SOX5: variants seen among roughly 807,000 people sequenced by gnomAD.
SOX5 encodes SRY-box transcription factor 5.
In SOX5, 9 loss-of-function variants were observed where a neutral mutation model predicts 92.0. That is an observed-to-expected ratio of 0.10 (90% CI 0.06 to 0.17). The LOEUF is 0.17. SOX5 is among the 10% of genes least tolerant of loss of function. The pLI, the probability that SOX5 is intolerant of heterozygous loss-of-function variation, is 1.00. For synonymous variants in SOX5, 344 were observed against 336.3 expected, an observed-to-expected ratio of 1.02 and a Z score of -0.25; for missense variants, 642 against 944.5, an observed-to-expected ratio of 0.68 and a Z score of 4.20.
intron 9 of SOX5, among the ~76,000 whole-genome samples, chr12:23,583,763 A>T (rs1427742887): frequency 6.6e-6 from 1 of 152,166 alleles, no homozygotes; most frequent in African/African-American, 2.4e-5. Flanking sequence ...GAAATTAAAG[A>T]GTTGATCACT....
In SOX5 at chr12:23,543,994, G is replaced by T. The variant is rs530075799; in HGVS notation, c.1598-610C>A. 3.3e-5 allele frequency among the ~76,000 whole-genome samples: 5 copies of T among 152,322 alleles called. No individual in the cohort carries two copies. In the South Asian group the frequency reaches 6.2e-4, roughly 19 times the overall value. On this transcript the variant is annotated intron_variant, in intron 12 of 14. Coordinates refer to ENST00000451604, the MANE Select transcript of SOX5 (RefSeq NM_006940.6). ...ACATATGCTGATACAGCAATGACAG[G>T]TCTGCCCCCCAAAATATATGTAAAA...
At chr12:24,028,345 A>G (rs949534416) in intron 4 of SOX5, among the ~76,000 whole-genome samples, 6 of 152,016 alleles carry the variant, frequency 3.9e-5, no homozygotes, top group African/African-American at 1.2e-4. Context: ...TGGATGAATG[A>G]ATTTGCTTGT....
chr12:24,524,903 G>A (rs1950570672), intron 1 of SOX5, among the ~76,000 whole-genome samples: 1 of 152,116 alleles, frequency 6.6e-6, no homozygotes, highest in Non-Finnish European at 1.5e-5. Context: ...GTTTGAGATT[G>A]CAGTGAGCTA....
chr12:23,552,957 T>A (rs1437840108), intron 11 of SOX5, among the ~76,000 whole-genome samples: 1 of 152,036 alleles, frequency 6.6e-6, no homozygotes, highest in African/African-American at 2.4e-5. Flanking sequence ...CAGGCTTTGA[T>A]TCTTTTTAAA....
chr12:23,712,132 T>A (rs1246328962), intron 6 of SOX5, among the ~76,000 whole-genome samples: 3 of 152,156 alleles, frequency 2.0e-5, no homozygotes, highest in African/African-American at 7.2e-5. Context: ...GTGAGAACAA[T>A]GCCAATACAT....
intron 4 of SOX5, among the ~76,000 whole-genome samples, chr12:24,202,993 TC>T (rs1244832931): frequency 3.9e-5 from 6 of 152,184 alleles, no homozygotes; most frequent in Non-Finnish European, 8.8e-5. Flanking sequence ...AAATTTAGCA[TC>T]CATTTGATGA....
intron 4 of SOX5, among the ~76,000 whole-genome samples, chr12:23,973,668 T>C (rs1043936947): frequency 2.6e-5 from 4 of 152,190 alleles, no homozygotes; most frequent in Non-Finnish European, 2.9e-5. Context: ...AAATCCTGTA[T>C]ACCAGGGGTC....
chr12:24,125,477 T>C (rs777643626), intron 4 of SOX5, among the ~76,000 whole-genome samples: 18 of 152,176 alleles, frequency 1.2e-4, no homozygotes, highest in Non-Finnish European at 2.4e-4. Context: ...TGCTAAGATA[T>C]TGCATCAAGC....
intron 4 of SOX5, among the ~76,000 whole-genome samples, chr12:24,207,705 T>A (rs1958161527): frequency 6.6e-6 from 1 of 152,214 alleles, no homozygotes; most frequent in Non-Finnish European, 1.5e-5. Context: ...TTTCTTCTAT[T>A]TCCACTATTC....
chr12:24,145,934 G>C (rs899276907), intron 4 of SOX5, among the ~76,000 whole-genome samples: 7 of 152,140 alleles, frequency 4.6e-5, no homozygotes, highest in Admixed American at 1.3e-4. Flanking sequence ...TTATCAAGAG[G>C]ACATAGCAAG....
intron 4 of SOX5, among the ~76,000 whole-genome samples, chr12:23,980,673 T>C (rs1385606831): frequency 6.6e-6 from 1 of 152,158 alleles, no homozygotes. Flanking sequence ...ACTCCCTGCT[T>C]CTTTCCCCCC....
intron 3 of SOX5, among the ~76,000 whole-genome samples, chr12:23,764,059 T>A (rs1047090926): frequency 6.6e-6 from 1 of 151,826 alleles, no homozygotes; most frequent in East Asian, 1.9e-4. Context: ...TTAGTTACAA[T>A]GAGAAGGGTG....
At chr12:24,372,985 G>T (rs1956896661) in intron 1 of SOX5, among the ~76,000 whole-genome samples, 2 of 151,242 alleles carry the variant, frequency 1.3e-5, no homozygotes, top group African/African-American at 4.9e-5. Flanking sequence ...GGGTGTGGCG[G>T]CACAGGCCTG....
intron 6 of SOX5, among the ~76,000 whole-genome samples, chr12:23,686,087 C>G (rs1277815895): frequency 6.6e-6 from 1 of 152,078 alleles, no homozygotes; most frequent in Non-Finnish European, 1.5e-5. Flanking sequence ...ATTCTTTAAT[C>G]CAGGTAATGA....
intron 2 of SOX5, among the ~76,000 whole-genome samples, chr12:24,364,631 G>A (rs895280352): frequency 2.0e-5 from 3 of 150,438 alleles, no homozygotes; most frequent in Non-Finnish European, 4.4e-5. Context: ...CTACTATGGA[G>A]AGAATCAATT....
At chr12:24,234,635 CCCAAAGTGCTGGAATTA>C (rs1452080233) in intron 3 of SOX5, among the ~76,000 whole-genome samples, 1 of 152,184 alleles carries the variant, frequency 6.6e-6, no homozygotes, top group Non-Finnish European at 1.5e-5. Flanking sequence ...ACCTCAGCCT[CCCAAAGTGCTGGAATTA>C]CCAAAGTGCT....
chr12:24,107,021 T>G (rs967061970), intron 4 of SOX5, among the ~76,000 whole-genome samples: 2 of 151,846 alleles, frequency 1.3e-5, no homozygotes, highest in South Asian at 4.2e-4. Flanking sequence ...GAGGTAAAAT[T>G]AACAATCCTA....
chr12:24,085,194 G>A (rs1943831252), intron 4 of SOX5, among the ~76,000 whole-genome samples: 1 of 152,142 alleles, frequency 6.6e-6, no homozygotes. Flanking sequence ...AGCATGGCCA[G>A]GAAGAGGGGC....
chr12:23,800,676 C>G (rs182199033), intron 3 of SOX5, among the ~76,000 whole-genome samples: 1 of 152,170 alleles, frequency 6.6e-6, no homozygotes, highest in Admixed American at 6.5e-5. Context: ...ATTAAATGCT[C>G]CTCTAAAGTA....
Sources: allele counts gnomAD v4.1 joint callset (sites outside exome capture counted in the v4.1 genomes callset), GRCh38; gene constraint gnomAD v4.1.1; transcripts MANE v1.5; gene names NCBI Gene and HGNC (gene_info 2026-07-23, HGNC 2026-07-21).